Variants in TENM3 observed in about 807,000 individuals in gnomAD.
The protein encoded by TENM3 is teneurin-3.
TENM3 carries 63 observed loss-of-function variants against 255.1 expected under a neutral mutation model. The observed-to-expected ratio is 0.25, with a 90% confidence interval of 0.20 to 0.30. The LOEUF is 0.30. Among genes scored for constraint, TENM3 ranks in the 10% least tolerant of loss-of-function variants. The probability of loss-of-function intolerance (pLI) is 1.00; values close to 1 mark genes in which losing one functional copy is unlikely to be tolerated. For missense variants in TENM3, 2,929 were observed against 3,461.1 expected, an observed-to-expected ratio of 0.85 and a Z score of 3.86; for synonymous variants, 1,306 against 1,322.3, an observed-to-expected ratio of 0.99 and a Z score of 0.27.
chr4:182,239,069 G>GT (rs1757078636), upstream of TENM3, among the ~76,000 whole-genome samples: 1 of 127,124 alleles, frequency 7.9e-6, no homozygotes, highest in Non-Finnish European at 1.7e-5. Context: ...GTGTGTGTGT[G>GT]TGTGTATTTT....
At chr4:181,657,406 C>T in the TENM3 span, among the ~76,000 whole-genome samples, 4 of 152,046 alleles carry the variant, frequency 2.6e-5, no homozygotes, top group African/African-American at 7.2e-5. Flanking sequence ...GGCCAAAAAA[C>T]GTAAGAAAAA....
the TENM3 span, among the ~76,000 whole-genome samples, chr4:181,872,178 C>T: frequency 1.3e-4 from 19 of 151,066 alleles, no homozygotes; most frequent in Middle Eastern, 6.9e-3. Context: ...ACCAGAGCAT[C>T]CATGTAGGCT....
the TENM3 span, among the ~76,000 whole-genome samples, chr4:181,694,359 C>G: frequency 1.3e-5 from 2 of 152,146 alleles, no homozygotes; most frequent in Non-Finnish European, 1.5e-5. Flanking sequence ...TACTGCCGCA[C>G]AAACCTTTAC....
the TENM3 span, among the ~76,000 whole-genome samples, chr4:181,886,163 C>T: frequency 8.2e-4 from 125 of 152,046 alleles, 1 homozygote; most frequent in African/African-American, 2.7e-3. Flanking sequence ...AGCAATTCTC[C>T]CGCCTCAGCC....
chr4:182,719,752 G>A (rs1420353264), intron 13 of TENM3, among the ~76,000 whole-genome samples: 1 of 152,070 alleles, frequency 6.6e-6, no homozygotes, highest in African/African-American at 2.4e-5. Flanking sequence ...AGCAAAAGAA[G>A]CAGAAATACA....
At chr4:182,250,281 T>TGACTTCATGATCCACC (rs1554038350) in intron 1 of TENM3, among the ~76,000 whole-genome samples, 6 of 149,870 alleles carry the variant, frequency 4.0e-5, no homozygotes, top group African/African-American at 1.5e-4. Flanking sequence ...CTCGATCTCC[T>TGACTTCATGATCCACC]GACCTCATGA....
chr4:181,448,163 T>A, the TENM3 span, among the ~76,000 whole-genome samples: 32 of 48,586 alleles, frequency 6.6e-4, no homozygotes, highest in East Asian at 1.5e-3. Context: ...AATTTTTTTT[T>A]TTTTTTTTTT....
chr4:181,796,450 G>A, the TENM3 span, among the ~76,000 whole-genome samples: 1 of 152,192 alleles, frequency 6.6e-6, no homozygotes, highest in African/African-American at 2.4e-5. Flanking sequence ...GGTCTTTGAG[G>A]ATTCTGCCCT....
chr4:182,251,490 G>A (rs1295891615), intron 1 of TENM3, among the ~76,000 whole-genome samples: 1 of 152,112 alleles, frequency 6.6e-6, no homozygotes, highest in Non-Finnish European at 1.5e-5. Flanking sequence ...AAGCGATGAT[G>A]GGAAGTTGTC....
intron 1 of TENM3, among the ~76,000 whole-genome samples, chr4:182,147,271 C>G (rs746766594): frequency 9.2e-5 from 14 of 151,956 alleles, no homozygotes; most frequent in Non-Finnish European, 1.6e-4. Flanking sequence ...GCTCGGTGTA[C>G]AAAAAATGAT....
At position 182,637,330 on chromosome 4, in the gene TENM3, C is replaced by T. The variant is rs191077241; in HGVS notation, c.988+8441C>T. Among the ~76,000 whole-genome samples, 271 of 152,246 alleles carry T rather than the reference C, an allele frequency of 1.8e-3. 1 individual carries two copies. Among genetic ancestry groups the T allele is most frequent in the Non-Finnish European group, 2.9e-3 (194 of 68,010 alleles). On this transcript the variant is annotated intron_variant, in intron 5 of 27. Transcript: ENST00000511685. The stretch of plus-strand genomic sequence containing the variant: ...TTCCCACATCATCTTAGAATGTCTG[C>T]AGACTGCTCACATTGTCCCTTTTCC...
the TENM3 span, among the ~76,000 whole-genome samples, chr4:181,725,720 G>T: frequency 6.6e-6 from 1 of 152,010 alleles, no homozygotes; most frequent in Non-Finnish European, 1.5e-5. Context: ...GGGATTACAG[G>T]CGTGAACCAC....
At position 182,792,368 on chromosome 4, in the gene TENM3, G is replaced by A. The variant is rs752880606; in HGVS notation, c.5696G>A (p.Arg1899His). The A allele has an allele frequency of 5.0e-5, 80 of 1,612,898 alleles. No homozygotes were observed. The highest frequency in any genetic ancestry group is 1.3e-4 in the East Asian group (6 of 44,878). Residue 1899 changes from arginine (R) to histidine (H), a missense_variant, in exon 26 of 28, where the codon CGC becomes CAC. Coordinates refer to ENST00000511685, the MANE Select transcript of TENM3 (RefSeq NM_001080477.4). This position sits in a 1 kb window ranked among gnomAD's most constrained non-coding sequence, Gnocchi z 6.3. Reference sequence around the variant, plus strand: ...GCCATCACCATGCCCAGTGTGGCTCGCCACACCATGCAGACCATCCGATCC... The same window carrying A: ...GCCATCACCATGCCCAGTGTGGCTCACCACACCATGCAGACCATCCGATCC... ...LSAITMPSVA[R>H]HTMQTIRSIG... is the part of the protein sequence containing the mutation.
At chr4:181,858,980 CA>C in the TENM3 span, among the ~76,000 whole-genome samples, 3 of 152,178 alleles carry the variant, frequency 2.0e-5, no homozygotes, top group East Asian at 3.9e-4. Context: ...GTGTGCCAGA[CA>C]GGCAGGAGAG....
chr4:182,426,794 G>A (rs1025935096), intron 3 of TENM3, among the ~76,000 whole-genome samples: 6 of 151,974 alleles, frequency 3.9e-5, no homozygotes, highest in Admixed American at 1.3e-4. Flanking sequence ...ATACTTTGAC[G>A]AGTATAATTT....
At chr4:182,310,494 A>C (rs1055691847) in intron 1 of TENM3, among the ~76,000 whole-genome samples, 5 of 152,030 alleles carry the variant, frequency 3.3e-5, no homozygotes, top group African/African-American at 1.2e-4. Flanking sequence ...CCCCTTAGCA[A>C]CTCTAATGAA....
chr4:182,489,387 A>G (rs1470473123), intron 3 of TENM3, among the ~76,000 whole-genome samples: 1 of 152,158 alleles, frequency 6.6e-6, no homozygotes. Context: ...TAGAGTAGAA[A>G]TTTCCAAACC....
the TENM3 span, among the ~76,000 whole-genome samples, chr4:181,722,789 C>T: frequency 6.6e-6 from 1 of 152,152 alleles, no homozygotes; most frequent in South Asian, 2.1e-4. Context: ...CTTCTCTGCT[C>T]TTAAATATTC....
intron 4 of TENM3, among the ~76,000 whole-genome samples, chr4:182,612,766 C>T (rs1022739841): frequency 7.4e-6 from 1 of 135,830 alleles, no homozygotes; most frequent in African/African-American, 2.7e-5. Context: ...CACACACACA[C>T]ACAGTGGGAA....
Sources: gnomAD v4.1 joint callset for allele counts (sites outside exome capture counted in the v4.1 genomes callset) on GRCh38, gnomAD v4.1.1 for gene constraint, Gnocchi (gnomAD v3.1) non-coding constraint, MANE v1.5 for transcripts, NCBI Gene and HGNC (gene_info 2026-07-23, HGNC 2026-07-21) for gene names.